Variants in CCDC91 observed in about 807,000 individuals in gnomAD.
CCDC91 encodes the protein coiled-coil domain containing 91.
In CCDC91, 48 loss-of-function variants were observed where a neutral mutation model predicts 63.2. The observed-to-expected ratio is 0.76, with a 90% confidence interval of 0.60 to 0.97. The LOEUF (loss-of-function observed/expected upper bound fraction) is 0.97, where lower values mean the gene tolerates loss of function less well. Ranked by LOEUF, CCDC91 falls within the 50% of genes least tolerant of loss-of-function variation. CCDC91 has a pLI of 0.00. For missense variants in CCDC91, 500 were observed against 494.6 expected (o/e 1.01, Z -0.10); for synonymous variants, 167 against 165.8 (o/e 1.01, Z -0.06).
chr12:28,220,944 T>G (rs1419239359), intron 1 of CCDC91, among the ~76,000 whole-genome samples: 1 of 152,104 alleles, frequency 6.6e-6, no homozygotes, highest in Non-Finnish European at 1.5e-5. Context: ...TTCTCGCTAT[T>G]CTTTAGCTTC....
At chr12:28,497,644 T>G (rs1345418925) in intron 12 of CCDC91, among the ~76,000 whole-genome samples, 1 of 151,598 alleles carries the variant, frequency 6.6e-6, no homozygotes, top group Non-Finnish European at 1.5e-5. Flanking sequence ...TACATTGAGA[T>G]TGAGTCATAA....
intron 3 of CCDC91, among the ~76,000 whole-genome samples, chr12:28,295,216 C>T (rs1334150934): frequency 6.6e-6 from 1 of 152,102 alleles, no homozygotes; most frequent in African/African-American, 2.4e-5. Context: ...AATGATTTTT[C>T]CTTTGAAGTG....
At chr12:28,374,542 C>T (rs1012569781) in intron 7 of CCDC91, among the ~76,000 whole-genome samples, 16 of 152,212 alleles carry the variant, frequency 1.1e-4, no homozygotes, top group African/African-American at 3.9e-4. Flanking sequence ...CATGGATAAT[C>T]GGATAAAACA....
chr12:28,193,914 CA>C (rs1196491125), intron 1 of CCDC91, among the ~76,000 whole-genome samples: 3 of 152,246 alleles, frequency 2.0e-5, no homozygotes, highest in Non-Finnish European at 4.4e-5. Flanking sequence ...TATTGGTTTG[CA>C]AGTGTTTTAT....
intron 1 of CCDC91, among the ~76,000 whole-genome samples, chr12:28,239,276 T>G (rs1565655584): frequency 6.6e-6 from 1 of 151,926 alleles, no homozygotes; most frequent in Non-Finnish European, 1.5e-5. Flanking sequence ...AATGGGCAAA[T>G]GGATGGAGCT....
chr12:28,393,841 G>A (rs1565904172), intron 8 of CCDC91, among the ~76,000 whole-genome samples: 1 of 152,100 alleles, frequency 6.6e-6, no homozygotes, highest in African/African-American at 2.4e-5. Flanking sequence ...CTTCTCAAAA[G>A]TGGCCTATTA....
intron 12 of CCDC91, among the ~76,000 whole-genome samples, chr12:28,493,577 G>A (rs962531674): frequency 2.0e-5 from 3 of 151,566 alleles, no homozygotes; most frequent in Non-Finnish European, 4.4e-5. Flanking sequence ...AACATGTAAG[G>A]ATTTTCAAAA....
At chr12:28,217,238 AAC>A (rs765103827) in intron 1 of CCDC91, among the ~76,000 whole-genome samples, 30 of 152,154 alleles carry the variant, frequency 2.0e-4, no homozygotes, top group Non-Finnish European at 3.8e-4. Flanking sequence ...TGTACGTGTA[AAC>A]ACACAGAATA....
At chr12:28,510,114 A>T (rs1454849503) in intron 12 of CCDC91, among the ~76,000 whole-genome samples, 1 of 151,478 alleles carries the variant, frequency 6.6e-6, no homozygotes, top group Non-Finnish European at 1.5e-5. Flanking sequence ...ATAAATTGAA[A>T]TAAAAGAGTT....
intron 12 of CCDC91, among the ~76,000 whole-genome samples, chr12:28,502,538 C>G (rs1285473204): frequency 6.7e-5 from 10 of 150,098 alleles, no homozygotes; most frequent in East Asian, 5.9e-4. Flanking sequence ...ATGCCATCCC[C>G]ATCAAGCTAC....
intron 8 of CCDC91, among the ~76,000 whole-genome samples, chr12:28,446,272 A>T (rs541228744): frequency 6.6e-6 from 1 of 152,224 alleles, no homozygotes; most frequent in Non-Finnish European, 1.5e-5. Context: ...ATGAAAAATC[A>T]GTTCAATATC....
chr12:28,285,857 C>T (rs973837683), intron 3 of CCDC91, among the ~76,000 whole-genome samples: 4 of 151,732 alleles, frequency 2.6e-5, no homozygotes, highest in Non-Finnish European at 5.9e-5. Context: ...GTTTTGATCA[C>T]CTATTTGATG....
At chr12:28,463,699 T>A (rs1233844045) in intron 11 of CCDC91, among the ~76,000 whole-genome samples, 1 of 152,166 alleles carries the variant, frequency 6.6e-6, no homozygotes, top group Non-Finnish European at 1.5e-5. Flanking sequence ...TTGCTTCTGA[T>A]AAATATAATT....
intron 3 of CCDC91, among the ~76,000 whole-genome samples, chr12:28,265,207 CTAATA>C (rs1565694246): frequency 6.6e-6 from 1 of 151,958 alleles, no homozygotes; most frequent in Non-Finnish European, 1.5e-5. Context: ...AGTGTCCTTT[CTAATA>C]TGTTTCTAAG....
intron 12 of CCDC91, among the ~76,000 whole-genome samples, chr12:28,522,237 C>T (rs1940763034): frequency 6.6e-6 from 1 of 152,124 alleles, no homozygotes; most frequent in Non-Finnish European, 1.5e-5. Flanking sequence ...TTAATTATTG[C>T]CTCAATTTCA....
intron 1 of CCDC91, among the ~76,000 whole-genome samples, chr12:28,226,766 G>T (rs1944295328): frequency 6.6e-6 from 1 of 151,984 alleles, no homozygotes; most frequent in African/African-American, 2.4e-5. Flanking sequence ...TTACTGTCTA[G>T]GTTATCATAC....
chr12:28,437,813 A>G (rs924823697), intron 8 of CCDC91, among the ~76,000 whole-genome samples: 1 of 152,094 alleles, frequency 6.6e-6, no homozygotes, highest in African/African-American at 2.4e-5. Flanking sequence ...CGGAATACAA[A>G]TGATAAGAAC....
intron 6 of CCDC91, among the ~76,000 whole-genome samples, chr12:28,334,318 T>G (rs888681272): frequency 6.6e-6 from 1 of 152,154 alleles, no homozygotes; most frequent in African/African-American, 2.4e-5. Flanking sequence ...AAGGAATGGT[T>G]TTTGAAGAGG....
chr12:28,447,446 G>C (rs1347055189), intron 8 of CCDC91, among the ~76,000 whole-genome samples: 1 of 151,724 alleles, frequency 6.6e-6, no homozygotes, highest in Non-Finnish European at 1.5e-5. Flanking sequence ...TTTATAATGA[G>C]CATATATCAG....
Sources: allele counts gnomAD v4.1 joint callset (sites outside exome capture counted in the v4.1 genomes callset), GRCh38; gene constraint gnomAD v4.1.1; transcripts MANE v1.5; gene names NCBI Gene and HGNC (gene_info 2026-07-23, HGNC 2026-07-21).